Variants in PDE8A observed in about 807,000 individuals in gnomAD.
PDE8A encodes high affinity cAMP-specific and IBMX-insensitive 3',5'-cyclic phosphodiesterase 8A.
In PDE8A, 59 loss-of-function variants were observed where a neutral mutation model predicts 105.0. The observed-to-expected ratio is 0.56, with a 90% CI of 0.46 to 0.70. The LOEUF is 0.70. Ranked by LOEUF, PDE8A falls within the 30% of genes least tolerant of loss-of-function variation. The probability of loss-of-function intolerance (pLI) is 0.00; values close to 1 mark genes in which losing one functional copy is unlikely to be tolerated. For missense variants in PDE8A, 1,014 were observed against 1,045.9 expected (o/e 0.97, Z 0.42); for synonymous variants, 355 against 371.9 (o/e 0.95, Z 0.52).
chr15:85,065,478 A>T (rs1043752822), intron 2 of PDE8A, among the ~76,000 whole-genome samples: 1 of 133,784 alleles, frequency 7.5e-6, no homozygotes, highest in Non-Finnish European at 1.6e-5. Flanking sequence ...AACTTAAAGT[A>T]TAATTAAAAA....
Position 85,014,140 on chromosome 15 carries a change from CTTTTTCTTTTTT to C in PDE8A, c.186+31796_186+31807del, listed in dbSNP as rs1326065606. ...TCTTTCTTCCTTTCTTTTTCTTTTT[CTTTTTCTTTTTT>C]TTTAAAGTCAGGGTCTTGCTCTGTC... On this transcript the variant is annotated intron_variant, in intron 1 of 21. Coordinates refer to ENST00000394553, the MANE Select transcript of PDE8A (RefSeq NM_002605.3). Among the ~76,000 whole-genome samples the C allele has an allele frequency of 2.0e-5, 3 of 149,454 alleles. No individual in the cohort carries two copies. The East Asian group carries it at 5.8e-4, about 29-fold the overall frequency.
intron 1 of PDE8A, among the ~76,000 whole-genome samples, chr15:85,032,960 C>T (rs543315700): frequency 6.6e-5 from 10 of 152,238 alleles, no homozygotes; most frequent in African/African-American, 2.2e-4. Context: ...AAAAGTGCAA[C>T]TTAAGATTTG....
Position 85,076,234 on chromosome 15 carries a change from G to A in PDE8A, c.491+316G>A, listed in dbSNP as rs185753874. 5.2e-3 allele frequency among the ~76,000 whole-genome samples: 789 copies of A among 152,244 alleles called. 6 individuals are homozygous for A. The highest frequency in any genetic ancestry group is 0.018 in the African/African-American group (740 of 41,548). ...GGGCCTTCTAACTCCAAATATCTCTGAGGGGGGAATCTTAGGTTTTGTCTT... is the reference window on the plus strand; with the variant it reads ...GGGCCTTCTAACTCCAAATATCTCTAAGGGGGGAATCTTAGGTTTTGTCTT... On this transcript the variant is annotated intron_variant, in intron 4 of 21. Transcript: ENST00000394553.
At chr15:85,107,208 A>G (rs1213781841) in intron 11 of PDE8A, among the ~76,000 whole-genome samples, 1 of 152,210 alleles carries the variant, frequency 6.6e-6, no homozygotes, top group Non-Finnish European at 1.5e-5. Context: ...CACATTTCCA[A>G]GTAGGTGGTT....
chr15:85,032,324 A>G (rs1443295942), intron 1 of PDE8A, among the ~76,000 whole-genome samples: 1 of 152,218 alleles, frequency 6.6e-6, no homozygotes, highest in Non-Finnish European at 1.5e-5. Flanking sequence ...TTGTCCATCC[A>G]TGGTATAAGA....
intron 1 of PDE8A, among the ~76,000 whole-genome samples, chr15:85,009,085 G>A (rs958771408): frequency 6.1e-5 from 5 of 82,290 alleles, no homozygotes; most frequent in Non-Finnish European, 9.7e-5. Flanking sequence ...TGGTGTGTTA[G>A]TGTGTGAGAG....
chr15:85,038,122 T>C (rs2141387512), intron 1 of PDE8A, among the ~76,000 whole-genome samples: 1 of 152,310 alleles, frequency 6.6e-6, no homozygotes, highest in African/African-American at 2.4e-5. Flanking sequence ...CACTTTCTTT[T>C]GCTAGTTGAA....
intron 5 of PDE8A, among the ~76,000 whole-genome samples, chr15:85,081,709 G>A (rs2081469408): frequency 6.6e-6 from 1 of 152,154 alleles, no homozygotes; most frequent in African/African-American, 2.4e-5. Context: ...CAGGAAAGAT[G>A]AGATGTTTAG....
intron 5 of PDE8A, among the ~76,000 whole-genome samples, chr15:85,083,299 A>G (rs1448398426): frequency 3.5e-5 from 5 of 142,252 alleles, no homozygotes; most frequent in African/African-American, 1.5e-4. Flanking sequence ...GAAGATGCTG[A>G]AAGAAAAGCC....
At chr15:85,075,774 C>T (rs956634351) in intron 3 of PDE8A, 88 bp from the exon 4 acceptor site, 1 of 727,374 alleles carries the variant, frequency 1.4e-6, no homozygotes, top group Non-Finnish European at 2.3e-6. Context: ...TACCCCTCTT[C>T]CAACTTTAAT....
intron 1 of PDE8A, among the ~76,000 whole-genome samples, chr15:85,055,746 G>T (rs2081049556): frequency 6.6e-6 from 1 of 152,094 alleles, no homozygotes; most frequent in Non-Finnish European, 1.5e-5. Flanking sequence ...CACACTGATG[G>T]GTCTTGACTC....
chr15:85,056,499 TG>T (rs1371747849), intron 1 of PDE8A, among the ~76,000 whole-genome samples: 1 of 152,160 alleles, frequency 6.6e-6, no homozygotes, highest in Non-Finnish European at 1.5e-5. Flanking sequence ...TTGGAGGCTT[TG>T]TTCGTTTCTT....
chr15:85,055,280 T>C (rs1032179749), intron 1 of PDE8A, among the ~76,000 whole-genome samples: 33 of 152,238 alleles, frequency 2.2e-4, no homozygotes, highest in African/African-American at 8.0e-4. Context: ...GAAGAATGTA[T>C]ATTTTGTTGA....
chr15:85,039,553 A>T (rs1370781540), intron 1 of PDE8A, among the ~76,000 whole-genome samples: 1 of 152,220 alleles, frequency 6.6e-6, no homozygotes, highest in Non-Finnish European at 1.5e-5. Context: ...AGGTTCCTAA[A>T]AAAAAAACTA....
intron 16 of PDE8A, among the ~76,000 whole-genome samples, chr15:85,117,010 C>T (rs1290512806): frequency 6.6e-6 from 1 of 152,248 alleles, no homozygotes; most frequent in Admixed American, 6.5e-5. Context: ...TGCCTCAACA[C>T]AGCCAGTTTC....
At chr15:85,080,905 C>G (rs1399870119) in intron 5 of PDE8A, among the ~76,000 whole-genome samples, 2 of 152,160 alleles carry the variant, frequency 1.3e-5, no homozygotes, top group Non-Finnish European at 2.9e-5. Flanking sequence ...TTACAGTAGT[C>G]ACTTTAGAAG....
rs1367232111 is a variant in PDE8A, at chr15:85,116,028, G to T, written c.1444G>T (p.Asp482Tyr). Residue 482 changes from aspartate to tyrosine, a missense_variant, in exon 16 of 22, where the codon GAT becomes TAT. Asp to Tyr is a radical substitution (Grantham distance 160). Transcript: ENST00000394553. Reference protein sequence around the residue: ...SSNIITPISLDDVPPRIARAM... With the variant: ...SSNIITPISLYDVPPRIARAM... ...CAATATAATCACTCCCATCTCCCTT[G>T]ATGATGTCCCACCACGGATAGCTCG... The T allele has an allele frequency of 6.2e-7, 1 of 1,613,284 alleles. No individual in the cohort carries two copies. The highest frequency in any genetic ancestry group is 8.5e-7 in the Non-Finnish European group (1 of 1,179,392).
chr15:85,134,358 G>T (rs895206516), intron 20 of PDE8A, among the ~76,000 whole-genome samples: 2 of 152,170 alleles, frequency 1.3e-5, no homozygotes, highest in African/African-American at 2.4e-5. Context: ...CCCGCCCAGG[G>T]CACTGCTGTT....
At chr15:85,022,578 C>T (rs1450967589) in intron 1 of PDE8A, among the ~76,000 whole-genome samples, 8 of 147,704 alleles carry the variant, frequency 5.4e-5, no homozygotes, top group Non-Finnish European at 1.0e-4. Flanking sequence ...CTTGTTCTGT[C>T]ACCCCTGTCG....
Sources: gnomAD v4.1 joint callset for allele counts (sites outside exome capture counted in the v4.1 genomes callset) on GRCh38, gnomAD v4.1.1 for gene constraint, MANE v1.5 for transcripts, NCBI Gene and HGNC (gene_info 2026-07-23, HGNC 2026-07-21) for gene names.